Variants in SPON1 observed in about 807,000 individuals in gnomAD.
The protein encoded by SPON1 is spondin-1.
SPON1 carries 52 observed loss-of-function variants against 111.7 expected under a neutral mutation model. The observed-to-expected ratio is 0.47, with a 90% confidence interval of 0.37 to 0.59. The LOEUF (loss-of-function observed/expected upper bound fraction) is 0.59, where lower values mean the gene tolerates loss of function less well. Among genes scored for constraint, SPON1 ranks in the 20% least tolerant of loss-of-function variants. SPON1 has a pLI of 0.00. For synonymous variants in SPON1, 410 were observed against 395.8 expected (o/e 1.04, Z -0.43); for missense variants, 957 against 1,068.5 (o/e 0.90, Z 1.46).
At chr11:14,111,747 G>A (rs1919302) in intron 5 of SPON1, among the ~76,000 whole-genome samples, 110,989 of 152,070 alleles carry the variant, frequency 0.73, 40,654 homozygotes, top group East Asian at 0.82. Context: ...CTTGGGTTTC[G>A]TTTTGAAAAT....
intron 6 of SPON1, among the ~76,000 whole-genome samples, chr11:14,239,186 C>T (rs941918289): frequency 2.0e-5 from 3 of 152,152 alleles, no homozygotes; most frequent in Non-Finnish European, 4.4e-5. Context: ...GGGTTTGTAC[C>T]TGCAACTGTG....
chr11:14,207,807 G>A (rs1848531845), intron 6 of SPON1, among the ~76,000 whole-genome samples: 1 of 152,188 alleles, frequency 6.6e-6, no homozygotes, highest in African/African-American at 2.4e-5. Flanking sequence ...ATTCCTCAAA[G>A]ACCTAGAGAC....
chr11:13,965,280 C>A (rs570393419), intron 1 of SPON1, among the ~76,000 whole-genome samples: 7 of 152,170 alleles, frequency 4.6e-5, no homozygotes, highest in Non-Finnish European at 8.8e-5. Flanking sequence ...ATATCAGGAG[C>A]CTTGCCTAAG....
intron 2 of SPON1, among the ~76,000 whole-genome samples, chr11:14,014,285 G>T (rs374995712): frequency 2.6e-5 from 4 of 152,262 alleles, no homozygotes; most frequent in East Asian, 3.9e-4. Flanking sequence ...GAAAGGAGGG[G>T]TTGTCATAGA....
At position 14,227,116 on chromosome 11, in the gene SPON1, T is replaced by A. The variant is rs201177811; in HGVS notation, c.826-16216T>A. On this transcript the variant is annotated intron_variant, in intron 6 of 15. Transcript: ENST00000576479. The stretch of plus-strand genomic sequence containing the variant: ...GGATCCAGGGATCAGGATGTAGATA[T>A]TTTGGGGGGCCGTTACTCAGCTTAC... Among the ~76,000 whole-genome samples the A allele has an allele frequency of 1.2e-4, 18 of 152,308 alleles. No individual in the cohort carries two copies. In the East Asian group the frequency reaches 3.3e-3, roughly 28 times the overall value.
chr11:14,000,429 T>TA (rs1554912332), intron 2 of SPON1, among the ~76,000 whole-genome samples: 1 of 152,234 alleles, frequency 6.6e-6, no homozygotes, highest in African/African-American at 2.4e-5. Context: ...GCTTATTAGC[T>TA]ATTACCCCTA....
intron 6 of SPON1, among the ~76,000 whole-genome samples, chr11:14,154,034 T>C (rs1847814794): frequency 6.6e-6 from 1 of 152,208 alleles, no homozygotes; most frequent in Admixed American, 6.5e-5. Context: ...CTTGGGCAGC[T>C]CCACTTCTGT....
At chr11:14,102,092 AAG>A (rs1404667188) in intron 5 of SPON1, among the ~76,000 whole-genome samples, 2 of 152,190 alleles carry the variant, frequency 1.3e-5, no homozygotes, top group African/African-American at 4.8e-5. Context: ...AATATTTTGT[AAG>A]AGAACAAGGA....
intron 2 of SPON1, among the ~76,000 whole-genome samples, chr11:14,004,985 T>A (rs1195324783): frequency 1.3e-5 from 2 of 152,170 alleles, no homozygotes; most frequent in Non-Finnish European, 2.9e-5. Flanking sequence ...TTAAAAAAAA[T>A]TTTTTTAGAG....
At chr11:14,093,846 C>G (rs1301221745) in intron 5 of SPON1, among the ~76,000 whole-genome samples, 2 of 152,234 alleles carry the variant, frequency 1.3e-5, no homozygotes, top group Admixed American at 6.5e-5. Context: ...TTCTAAGCAA[C>G]TTATCTATTG....
intron 6 of SPON1, among the ~76,000 whole-genome samples, chr11:14,189,956 C>T (rs10766165): frequency 0.4 from 61,501 of 152,038 alleles, 12,653 homozygotes; most frequent in East Asian, 0.55. Flanking sequence ...ATTTTGTAAG[C>T]GGGCACTTCC....
intron 5 of SPON1, among the ~76,000 whole-genome samples, chr11:14,107,410 A>C (rs1180898073): frequency 6.6e-6 from 1 of 151,840 alleles, no homozygotes; most frequent in South Asian, 2.1e-4. Context: ...GGCTGTCCGT[A>C]CTCCAGCGGA....
intron 7 of SPON1, among the ~76,000 whole-genome samples, chr11:14,249,439 C>T (rs1849028776): frequency 6.6e-6 from 1 of 152,184 alleles, no homozygotes; most frequent in Non-Finnish European, 1.5e-5. Context: ...TGGTTATAAA[C>T]ACAGCGTTTT....
rs782299069 is a variant in SPON1, at chr11:14,075,376, T to A, written c.511T>A (p.Phe171Ile). Reference protein sequence around the residue: ...ASIVQKRIIYFQDEGSLTKKL... With the variant: ...ASIVQKRIIYIQDEGSLTKKL... ...CATCGTACAAAAACGCATTATTTATTTTCAAGATGAGGGCTCTCTGACCAA... is the reference window on the plus strand; with the variant it reads ...CATCGTACAAAAACGCATTATTTATATTCAAGATGAGGGCTCTCTGACCAA... The change falls in exon 4 of 16, where the codon TTT becomes ATT. Residue 171 changes from phenylalanine to isoleucine, a missense_variant. By Grantham distance (21) the Phe-to-Ile change is conservative (BLOSUM62 0). Transcript: ENST00000576479. The A allele has an allele frequency of 1.9e-5, 29 of 1,560,896 alleles. No individual in the cohort carries two copies. The Admixed American group carries it at 5.5e-4, about 30-fold the overall frequency.
At chr11:14,114,984 G>A (rs1849256164) in intron 5 of SPON1, among the ~76,000 whole-genome samples, 1 of 152,114 alleles carries the variant, frequency 6.6e-6, no homozygotes, top group African/African-American at 2.4e-5. Context: ...TAGTAGCTTT[G>A]CAACTCCTGG....
intron 2 of SPON1, among the ~76,000 whole-genome samples, chr11:14,025,469 T>C (rs1848510772): frequency 6.6e-6 from 1 of 152,220 alleles, no homozygotes; most frequent in African/African-American, 2.4e-5. Flanking sequence ...AAGATGGTTG[T>C]CATCTTAAAT....
intron 5 of SPON1, among the ~76,000 whole-genome samples, chr11:14,120,059 G>A (rs1849293887): frequency 6.6e-6 from 1 of 152,134 alleles, no homozygotes; most frequent in African/African-American, 2.4e-5. Flanking sequence ...CCACTCTTGA[G>A]AGAGTCAGTC....
chr11:14,258,816 G>A (rs148715163), intron 11 of SPON1, among the ~76,000 whole-genome samples: 117 of 152,282 alleles, frequency 7.7e-4, no homozygotes, highest in African/African-American at 2.6e-3. Context: ...ACAAACAGGC[G>A]GGAGGAAAGC....
At chr11:14,088,061 T>C (rs1849020805) in intron 5 of SPON1, among the ~76,000 whole-genome samples, 1 of 152,222 alleles carries the variant, frequency 6.6e-6, no homozygotes, top group Admixed American at 6.5e-5. Context: ...TACAGCACAC[T>C]GATGAGTCTT....
Sources: gnomAD v4.1 joint callset for allele counts (sites outside exome capture counted in the v4.1 genomes callset) on GRCh38, gnomAD v4.1.1 for gene constraint, MANE v1.5 for transcripts, NCBI Gene and HGNC (gene_info 2026-07-23, HGNC 2026-07-21) for gene names.